CLEC16A: variants seen among roughly 807,000 people sequenced by gnomAD.
CLEC16A encodes C-type lectin domain containing 16A, also known as protein CLEC16A.
A neutral mutation model predicts 109.5 loss-of-function variants in CLEC16A; 51 were observed. The observed-to-expected ratio is 0.47, with a 90% CI of 0.37 to 0.59. The LOEUF (loss-of-function observed/expected upper bound fraction) is 0.59. Ranked by LOEUF, CLEC16A falls within the 20% of genes least tolerant of loss-of-function variation. The pLI, the probability that CLEC16A is intolerant of heterozygous loss-of-function variation, is 0.00. For missense variants in CLEC16A, 1,339 were observed against 1,394.0 expected (o/e 0.96, Z 0.63); for synonymous variants, 673 against 564.2 (o/e 1.19, Z -2.73).
At chr16:11,132,234 A>ACC (rs71406209) in intron 22 of CLEC16A, among the ~76,000 whole-genome samples, 997 of 70,582 alleles carry the variant, frequency 0.014, 5 homozygotes, top group South Asian at 0.042. Flanking sequence ...TCGCCCACCC[A>ACC]CCCCCCCCGC....
chr16:11,058,827 A>G (rs1343516892), intron 18 of CLEC16A, among the ~76,000 whole-genome samples: 2 of 152,098 alleles, frequency 1.3e-5, no homozygotes, highest in Non-Finnish European at 2.9e-5. Context: ...TGCCTTCAAA[A>G]CCCCAAGAGG....
At chr16:11,105,190 G>A (rs939972342) in intron 19 of CLEC16A, among the ~76,000 whole-genome samples, 5 of 152,190 alleles carry the variant, frequency 3.3e-5, no homozygotes, top group South Asian at 4.1e-4. Context: ...TGTGGTCACC[G>A]ATGCATTGTA....
At chr16:11,015,192 C>T (rs931012968) in intron 11 of CLEC16A, among the ~76,000 whole-genome samples, 1 of 152,220 alleles carries the variant, frequency 6.6e-6, no homozygotes, top group Non-Finnish European at 1.5e-5. Context: ...TGGAGCCACT[C>T]ACTCTACAGC....
intron 19 of CLEC16A, among the ~76,000 whole-genome samples, chr16:11,118,385 T>G (rs1389345329): frequency 6.6e-6 from 1 of 152,192 alleles, no homozygotes; most frequent in African/African-American, 2.4e-5. Flanking sequence ...TAATTCTCAT[T>G]TTACAAATGG....
chr16:11,005,616 A>G (rs1055254270), intron 11 of CLEC16A, among the ~76,000 whole-genome samples: 27 of 152,210 alleles, frequency 1.8e-4, no homozygotes, highest in Admixed American at 9.8e-4. Context: ...AGGCAACAGC[A>G]CTTGTATTCT....
Position 10,979,324 on chromosome 16 carries a change from A to C in CLEC16A, c.904-5A>C. The stretch of plus-strand genomic sequence containing the variant: ...CTCTCTCTCTCTCCTGCCACCCTGC[A>C]CTAGGGAGGAGAACGGCCGAAAATT... On this transcript the variant is annotated splice_polypyrimidine_tract_variant and splice_region_variant and intron_variant, in intron 8 of 23. Coordinates refer to ENST00000409790, the MANE Select transcript of CLEC16A (RefSeq NM_015226.3). The C allele has an allele frequency of 6.2e-7, 1 of 1,611,246 alleles. No individual in the cohort carries two copies. Among genetic ancestry groups the C allele is most frequent in the Non-Finnish European group, 8.5e-7 (1 of 1,178,694 alleles).
intron 19 of CLEC16A, among the ~76,000 whole-genome samples, chr16:11,089,604 T>C (rs1026547787): frequency 6.6e-6 from 1 of 151,550 alleles, no homozygotes; most frequent in Admixed American, 6.6e-5. Context: ...CCCCTGTTGG[T>C]CTTTGTCATC....
At chr16:11,130,949 G>A (rs536868193) in intron 22 of CLEC16A, among the ~76,000 whole-genome samples, 4 of 152,294 alleles carry the variant, frequency 2.6e-5, no homozygotes, top group African/African-American at 7.2e-5. Flanking sequence ...TTCCTTGGAT[G>A]AGATATTAAA....
At chr16:11,108,972 G>A (rs568237633) in intron 19 of CLEC16A, among the ~76,000 whole-genome samples, 324 of 152,016 alleles carry the variant, frequency 2.1e-3, no homozygotes, top group Non-Finnish European at 3.9e-3. Flanking sequence ...TTAGCCAGGC[G>A]TGGTGGCGGG....
intron 11 of CLEC16A, among the ~76,000 whole-genome samples, chr16:11,011,479 C>CT (rs2045408633): frequency 6.6e-6 from 1 of 152,104 alleles, no homozygotes; most frequent in South Asian, 2.1e-4. Context: ...CTGTCATGTG[C>CT]TTGCCTGGTG....
At chr16:11,018,414 C>T (rs1467657292) in intron 11 of CLEC16A, among the ~76,000 whole-genome samples, 1 of 151,912 alleles carries the variant, frequency 6.6e-6, no homozygotes, top group East Asian at 1.9e-4. Context: ...GGTGTGAGAG[C>T]CTTCCAGGCA....
intron 19 of CLEC16A, among the ~76,000 whole-genome samples, chr16:11,109,543 G>GT (rs1262105356): frequency 2.0e-5 from 3 of 152,174 alleles, no homozygotes; most frequent in Non-Finnish European, 4.4e-5. Context: ...AATGCTCAGT[G>GT]TTTTTTGCCC....
chr16:10,991,161 C>T (rs1056835845), intron 10 of CLEC16A, among the ~76,000 whole-genome samples: 1 of 151,974 alleles, frequency 6.6e-6, no homozygotes, highest in African/African-American at 2.4e-5. Flanking sequence ...CCTGGGAAAA[C>T]AGTAGTGAAG....
At chr16:11,169,053 C>A (rs928076765) in intron 23 of CLEC16A, among the ~76,000 whole-genome samples, 1 of 152,236 alleles carries the variant, frequency 6.6e-6, no homozygotes, top group African/African-American at 2.4e-5. Flanking sequence ...TTCATCCTAA[C>A]CGCCCACTGC....
intron 12 of CLEC16A, chr16:11,024,569 CTGGTGAA>C: frequency 2.4e-6 from 1 of 409,948 alleles, no homozygotes; most frequent in South Asian, 2.8e-5. Flanking sequence ...TCTGGAATAC[CTGGTGAA>C]TGATTGTTGT....
rs200592669 is a variant in CLEC16A, at chr16:11,003,089, C to T, written c.1087C>T (p.Arg363Trp). ...IQRSSAKPSI[R>W]CFIKPTETLE... is the part of the protein sequence containing the mutation. The stretch of plus-strand genomic sequence containing the variant: ...ACTTTCCTAGGCCAAGCCCAGCATT[C>T]GGTGCTTCATTAAACCCACCGAGAC... The change falls in exon 11 of 24, where the codon CGG becomes TGG. Residue 363 changes from arginine (R) to tryptophan (W), a missense_variant. Arg to Trp is a moderately radical substitution (Grantham distance 101, BLOSUM62 -3). Transcript: ENST00000409790. 91 of 1,609,462 alleles carry T rather than the reference C, an allele frequency of 5.7e-5. 1 individual carries two copies. The highest frequency in any genetic ancestry group is 3.6e-4 in the South Asian group (33 of 90,478).
At chr16:11,085,191 C>G (rs1014301074) in intron 19 of CLEC16A, among the ~76,000 whole-genome samples, 1 of 152,236 alleles carries the variant, frequency 6.6e-6, no homozygotes, top group Non-Finnish European at 1.5e-5. Context: ...CCATGAAGCC[C>G]CCACCCTGGG....
intron 1 of CLEC16A, among the ~76,000 whole-genome samples, chr16:10,947,704 A>G (rs578254169): frequency 6.6e-6 from 1 of 152,274 alleles, no homozygotes; most frequent in Admixed American, 6.5e-5. Context: ...TGGGACTTTC[A>G]GTGCTAAAAC....
At chr16:10,944,955 C>G (rs2041272814) in intron 1 of CLEC16A, among the ~76,000 whole-genome samples, 158 bp downstream of exon 1, 1 of 152,206 alleles carries the variant, frequency 6.6e-6, no homozygotes, top group African/African-American at 2.4e-5. Flanking sequence ...GTCAGGGCGC[C>G]TGGGTTCGAA....
Sources: allele counts gnomAD v4.1 joint callset (sites outside exome capture counted in the v4.1 genomes callset), GRCh38; gene constraint gnomAD v4.1.1; transcripts MANE v1.5; gene names NCBI Gene and HGNC (gene_info 2026-07-23, HGNC 2026-07-21).